AUH: variants seen among roughly 807,000 people sequenced by gnomAD.
AUH encodes AU RNA binding methylglutaconyl-CoA hydratase, also known as methylglutaconyl-CoA hydratase, mitochondrial.
In AUH, 29 loss-of-function variants were observed where a neutral mutation model predicts 42.3. The observed-to-expected ratio is 0.69, with a 90% confidence interval of 0.51 to 0.93. The LOEUF is 0.93. AUH is among the 40% of genes least tolerant of loss of function. The pLI, the probability that AUH is intolerant of heterozygous loss-of-function variation, is 0.00. For synonymous variants in AUH, 174 were observed against 166.4 expected, an observed-to-expected ratio of 1.05 and a Z score of -0.35; for missense variants, 452 against 438.1, an observed-to-expected ratio of 1.03 and a Z score of -0.28.
chr9:91,257,203 T>C (rs890208081), intron 6 of AUH, among the ~76,000 whole-genome samples: 1 of 152,040 alleles, frequency 6.6e-6, no homozygotes, highest in African/African-American at 2.4e-5. Context: ...AGCAGTATTA[T>C]TACTAAAAGG....
At chr9:91,273,604 G>A (rs1411485148) in intron 6 of AUH, among the ~76,000 whole-genome samples, 2 of 152,132 alleles carry the variant, frequency 1.3e-5, no homozygotes, top group Non-Finnish European at 2.9e-5. Flanking sequence ...ATTTAAGGTC[G>A]CTCAAAATAA....
chr9:91,303,455 C>T (rs1384490865), intron 4 of AUH, among the ~76,000 whole-genome samples: 1 of 152,008 alleles, frequency 6.6e-6, no homozygotes, highest in Non-Finnish European at 1.5e-5. Flanking sequence ...CTCAGTCTCC[C>T]GAGTAGCTGG....
chr9:91,285,743 C>A (rs1201618815), intron 6 of AUH, among the ~76,000 whole-genome samples: 1 of 152,052 alleles, frequency 6.6e-6, no homozygotes, highest in African/African-American at 2.4e-5. Flanking sequence ...CCTAATTACA[C>A]AAAAAGAACT....
At chr9:91,263,524 T>C (rs1829810887) in intron 6 of AUH, among the ~76,000 whole-genome samples, 1 of 152,208 alleles carries the variant, frequency 6.6e-6, no homozygotes, top group African/African-American at 2.4e-5. Context: ...TTAAACTAAC[T>C]CTTTAACAAA....
At chr9:91,217,174 T>C in intron 8 of AUH, 103 bp downstream of exon 8, 1 of 1,230,980 alleles carries the variant, frequency 8.1e-7, no homozygotes, top group Non-Finnish European at 1.2e-6. Context: ...TAAACAACCA[T>C]ATTTTAGAAC....
intron 4 of AUH, among the ~76,000 whole-genome samples, chr9:91,319,739 G>A (rs1202171945): frequency 6.6e-6 from 1 of 152,202 alleles, no homozygotes; most frequent in Non-Finnish European, 1.5e-5. Flanking sequence ...CCAAGGGCTG[G>A]CAGGCCACTG....
At chr9:91,266,002 C>T (rs1829957161) in intron 6 of AUH, among the ~76,000 whole-genome samples, 2 of 151,966 alleles carry the variant, frequency 1.3e-5, no homozygotes, top group African/African-American at 2.4e-5. Flanking sequence ...AATGAGAAGG[C>T]AGATGACAAT....
intron 6 of AUH, among the ~76,000 whole-genome samples, chr9:91,295,391 A>G (rs772025407): frequency 3.9e-5 from 6 of 152,278 alleles, no homozygotes; most frequent in Non-Finnish European, 7.3e-5. Flanking sequence ...AGAGTATTAC[A>G]TAAACTTAGT....
intron 6 of AUH, among the ~76,000 whole-genome samples, chr9:91,232,981 C>T (rs1051839828): frequency 1.3e-5 from 2 of 152,138 alleles, no homozygotes; most frequent in Non-Finnish European, 2.9e-5. Flanking sequence ...TTTTGGAATT[C>T]CTCCTTTAAA....
chr9:91,261,052 AG>A (rs1400592198), intron 6 of AUH, among the ~76,000 whole-genome samples: 1 of 152,134 alleles, frequency 6.6e-6, no homozygotes, highest in East Asian at 1.9e-4. Context: ...TAAATCCTTG[AG>A]TATAAACGTA....
intron 9 of AUH, among the ~76,000 whole-genome samples, chr9:91,215,262 T>A (rs929922157): frequency 1.3e-5 from 2 of 152,216 alleles, no homozygotes; most frequent in Admixed American, 6.5e-5. Context: ...ATAATTTGTA[T>A]GCAGTCATCC....
At chr9:91,293,760 G>A (rs1323690230) in intron 6 of AUH, among the ~76,000 whole-genome samples, 5 of 152,194 alleles carry the variant, frequency 3.3e-5, no homozygotes, top group Non-Finnish European at 5.9e-5. Flanking sequence ...TGCCTACACT[G>A]AATAACACAT....
At chr9:91,287,420 G>A (rs890880789) in intron 6 of AUH, among the ~76,000 whole-genome samples, 6 of 152,130 alleles carry the variant, frequency 3.9e-5, no homozygotes, top group African/African-American at 1.4e-4. Flanking sequence ...CCAGAAAAAG[G>A]ACACTTGTGA....
chr9:91,243,201 T>C (rs1277399448), intron 6 of AUH, among the ~76,000 whole-genome samples: 1 of 152,210 alleles, frequency 6.6e-6, no homozygotes, highest in Non-Finnish European at 1.5e-5. Context: ...GCAAGTCACC[T>C]GCTTTTCCTA....
chr9:91,268,739 A>C (rs1350909023), intron 6 of AUH, among the ~76,000 whole-genome samples: 1 of 151,988 alleles, frequency 6.6e-6, no homozygotes, highest in Non-Finnish European at 1.5e-5. Context: ...CCATAGACCT[A>C]TTTTTTAAAA....
chr9:91,343,513 T>A lies in AUH; in HGVS notation c.418+12370A>T, dbSNP rs930144823. On this transcript the variant is annotated intron_variant, in intron 3 of 9. Coordinates refer to ENST00000375731, the MANE Select transcript of AUH (RefSeq NM_001698.3). ...CAGGCACAGTGGCTCACACCTATAA[T>A]CCCAACACTTTGGGAGGCTGAGGCA... 2.6e-5 allele frequency among the ~76,000 whole-genome samples: 4 copies of A among 152,192 alleles called. 1 individual carries two copies. Among genetic ancestry groups the A allele is most frequent in the Admixed American group, 2.6e-4 (4 of 15,284 alleles).
At chr9:91,277,961 CACCAAGG>C in intron 6 of AUH, among the ~76,000 whole-genome samples, 1 of 152,302 alleles carries the variant, frequency 6.6e-6, no homozygotes, top group East Asian at 1.9e-4. Flanking sequence ...CAAGATTCCC[CACCAAGG>C]GGACACAGGC....
At chr9:91,243,431 C>T (rs1564024590) in intron 6 of AUH, among the ~76,000 whole-genome samples, 1 of 152,210 alleles carries the variant, frequency 6.6e-6, no homozygotes, top group Admixed American at 6.5e-5. Context: ...CAGTCAGCTC[C>T]GGTTGGGCAG....
chr9:91,283,288 A>G (rs1826124502), intron 6 of AUH, among the ~76,000 whole-genome samples: 1 of 152,208 alleles, frequency 6.6e-6, no homozygotes, highest in Non-Finnish European at 1.5e-5. Flanking sequence ...CTCTCAATAA[A>G]TTAGGTATTG....
Sources: allele counts gnomAD v4.1 joint callset (sites outside exome capture counted in the v4.1 genomes callset), GRCh38; gene constraint gnomAD v4.1.1; transcripts MANE v1.5; gene names NCBI Gene and HGNC (gene_info 2026-07-23, HGNC 2026-07-21).